Variants in C1orf87 observed in about 807,000 individuals in gnomAD.
The protein encoded by C1orf87 is uncharacterized protein C1orf87.
C1orf87 carries 58 observed loss-of-function variants against 60.5 expected under a neutral mutation model. That is an observed-to-expected ratio of 0.96 (90% CI 0.78 to 1.19). The LOEUF (loss-of-function observed/expected upper bound fraction) is 1.19. Among genes scored for constraint, C1orf87 ranks in the 50% most tolerant of loss-of-function variants. The pLI, the probability that C1orf87 is intolerant of heterozygous loss-of-function variation, is 0.00. For missense variants in C1orf87, 673 were observed against 638.6 expected, an observed-to-expected ratio of 1.05 and a Z score of -0.58; for synonymous variants, 236 against 227.4, an observed-to-expected ratio of 1.04 and a Z score of -0.34.
At chr1:60,010,636 A>G (rs1300037252) in intron 8 of C1orf87, among the ~76,000 whole-genome samples, 180 bp from the exon 9 acceptor site, 2 of 152,118 alleles carry the variant, frequency 1.3e-5, no homozygotes, top group East Asian at 3.9e-4. Flanking sequence ...GGGCTTTGAT[A>G]TAGGGAATTA....
intron 2 of C1orf87, among the ~76,000 whole-genome samples, chr1:60,060,797 G>A (rs1288550434): frequency 6.6e-6 from 1 of 151,980 alleles, no homozygotes; most frequent in African/African-American, 2.4e-5. Context: ...GTTGCATCAC[G>A]ATGTCCTCAG....
chr1:60,022,109 A>ATT (rs60437294), intron 8 of C1orf87, among the ~76,000 whole-genome samples: 19,211 of 138,062 alleles, frequency 0.14, 1,502 homozygotes, highest in East Asian at 0.24. Flanking sequence ...GAGGACTTTG[A>ATT]TTTTTTTTTT....
intron 9 of C1orf87, chr1:60,008,553 G>T (rs2100253516): frequency 7.1e-6 from 2 of 283,110 alleles, no homozygotes; most frequent in Non-Finnish European, 7.2e-6. Flanking sequence ...CAATCTGACT[G>T]GTGTCCTTAC....
chr1:60,043,784 ATT>A (rs11364951), intron 3 of C1orf87, among the ~76,000 whole-genome samples: 1 of 149,756 alleles, frequency 6.7e-6, no homozygotes, highest in African/African-American at 2.4e-5. Flanking sequence ...GCCACACACA[ATT>A]TTTTTTTTTG....
At chr1:60,046,444 T>A (rs1645371703) in intron 3 of C1orf87, among the ~76,000 whole-genome samples, 1 of 14,670 alleles carries the variant, frequency 6.8e-5, no homozygotes, top group South Asian at 3.9e-3. Flanking sequence ...CTTCTTCTTC[T>A]TTTTTTTTTT....
At chr1:60,032,114 G>A (rs569385671) in intron 7 of C1orf87, among the ~76,000 whole-genome samples, 1 of 152,224 alleles carries the variant, frequency 6.6e-6, no homozygotes, top group East Asian at 1.9e-4. Flanking sequence ...AGCATATCAT[G>A]TCCTTGCTCC....
At chr1:60,013,719 G>C (rs1331347887) in intron 8 of C1orf87, among the ~76,000 whole-genome samples, 1 of 150,500 alleles carries the variant, frequency 6.6e-6, no homozygotes, top group African/African-American at 2.4e-5. Context: ...CTTCAAATGA[G>C]TATCTATTCA....
chr1:60,011,813 T>C (rs1010727606), intron 8 of C1orf87, among the ~76,000 whole-genome samples: 1 of 152,068 alleles, frequency 6.6e-6, no homozygotes, highest in African/African-American at 2.4e-5. Context: ...TGACATAACA[T>C]TTAGAGAAAT....
At chr1:60,015,637 C>T (rs912292427) in intron 8 of C1orf87, among the ~76,000 whole-genome samples, 18 of 152,186 alleles carry the variant, frequency 1.2e-4, no homozygotes, top group Non-Finnish European at 1.5e-5. Context: ...TTCCTCTGTG[C>T]ACCTACATCC....
intron 2 of C1orf87, among the ~76,000 whole-genome samples, chr1:60,062,199 C>T (rs1645502037): frequency 6.6e-6 from 1 of 152,148 alleles, no homozygotes; most frequent in Non-Finnish European, 1.5e-5. Flanking sequence ...GCCCATGATT[C>T]CTGCACCATA....
At chr1:60,029,937 T>C (rs547948879) in intron 7 of C1orf87, among the ~76,000 whole-genome samples, 1 of 152,062 alleles carries the variant, frequency 6.6e-6, no homozygotes, top group East Asian at 1.9e-4. Flanking sequence ...CCATGCCCGG[T>C]CCCCCTGTCC....
chr1:60,030,593 G>T (rs554032863), intron 7 of C1orf87, among the ~76,000 whole-genome samples: 3 of 152,360 alleles, frequency 2.0e-5, no homozygotes, highest in African/African-American at 7.2e-5. Context: ...TTTGGGAGGG[G>T]TTTGTGCTAT....
At chr1:60,013,156 A>G (rs907288314) in intron 8 of C1orf87, among the ~76,000 whole-genome samples, 2 of 152,106 alleles carry the variant, frequency 1.3e-5, no homozygotes, top group Non-Finnish European at 2.9e-5. Flanking sequence ...GAGTCCCTTC[A>G]ATCTGTACAG....
At chr1:60,004,625 A>G (rs1208079426) in intron 9 of C1orf87, among the ~76,000 whole-genome samples, 1 of 152,058 alleles carries the variant, frequency 6.6e-6, no homozygotes, top group Non-Finnish European at 1.5e-5. Flanking sequence ...ACAGCATATA[A>G]AAAGGTAATG....
chr1:60,060,153 A>G lies in C1orf87; in HGVS notation c.108-4715T>C, dbSNP rs182715192. 1.4e-4 allele frequency among the ~76,000 whole-genome samples: 21 copies of G among 151,454 alleles called. No homozygotes were observed. The East Asian group carries it at 3.9e-3, about 28-fold the overall frequency. ...TATTATCATAGAAATTTAGTCTTCG[A>G]AAAGATCAAAAAAATATGTTCATTC... is the stretch of plus-strand genomic sequence containing the variant. On this transcript the variant is annotated intron_variant, in intron 2 of 11. Transcript: ENST00000371201.
At chr1:60,008,600 A>T (rs958050952) in intron 9 of C1orf87, 10 of 410,582 alleles carry the variant, frequency 2.4e-5, no homozygotes, top group African/African-American at 1.4e-4. Flanking sequence ...GACACCAGGG[A>T]TGCACACACA....
At chr1:59,993,657 T>C (rs1283556323) in intron 11 of C1orf87, among the ~76,000 whole-genome samples, 1 of 152,018 alleles carries the variant, frequency 6.6e-6, no homozygotes, top group African/African-American at 2.4e-5. Flanking sequence ...CATTAGGGGA[T>C]GCCCAGAACA....
chr1:60,060,488 A>T (rs1204506616), intron 2 of C1orf87, among the ~76,000 whole-genome samples: 1 of 152,164 alleles, frequency 6.6e-6, no homozygotes, highest in Non-Finnish European at 1.5e-5. Context: ...TCACTCAGGT[A>T]CAAAGGGATG....
intron 6 of C1orf87, 75 bp downstream of exon 6, chr1:60,037,917 T>G: frequency 1.1e-6 from 1 of 877,212 alleles, no homozygotes; most frequent in Admixed American, 2.3e-5. Context: ...ACCCAGTTTA[T>G]GGTACTTTTT....
Sources: allele counts gnomAD v4.1 joint callset (sites outside exome capture counted in the v4.1 genomes callset), GRCh38; gene constraint gnomAD v4.1.1; transcripts MANE v1.5; gene names NCBI Gene and HGNC (gene_info 2026-07-23, HGNC 2026-07-21).